Variants in PRMT2 observed in about 807,000 individuals in gnomAD.
PRMT2 encodes protein arginine N-methyltransferase 2.
PRMT2 carries 26 observed loss-of-function variants against 57.6 expected under a neutral mutation model. The ratio of observed to expected loss-of-function variants is 0.45; its 90% CI spans 0.33 to 0.63. The LOEUF (loss-of-function observed/expected upper bound fraction) is 0.63, where lower values mean the gene tolerates loss of function less well. PRMT2 is among the 20% of genes least tolerant of loss of function. The pLI is 0.02. For missense variants in PRMT2, 472 were observed against 564.4 expected (o/e 0.84, Z 1.66); for synonymous variants, 219 against 220.0 (o/e 1.00, Z 0.04).
At chr21:46,661,966 C>T (rs1488380279) in intron 10 of PRMT2, 30 bp downstream of exon 10, 38 of 132,688 alleles carry the variant, frequency 2.9e-4, no homozygotes, top group Non-Finnish European at 4.5e-4. Context: ...GCACGGGGTG[C>T]GGGGTGGGGG....
chr21:46,663,380 C>T lies in PRMT2; in HGVS notation c.1098-3C>T, dbSNP rs201611334. The T allele has an allele frequency of 6.2e-7, 1 of 1,608,258 alleles. No individual in the cohort carries two copies. Among genetic ancestry groups the T allele is most frequent in the East Asian group, 2.2e-5 (1 of 44,704 alleles). On this transcript the variant is annotated splice_polypyrimidine_tract_variant and splice_region_variant and intron_variant, in intron 10 of 11. Coordinates refer to ENST00000355680, the MANE Select transcript of PRMT2 (RefSeq NM_206962.4). ...CCAGGTCACACGCACCCCTGTCTTGCAGCACCACACACTGGAAGCAGACGC... is the reference window on the plus strand; with the variant it reads ...CCAGGTCACACGCACCCCTGTCTTGTAGCACCACACACTGGAAGCAGACGC...
chr21:46,636,172 C>G (rs1369136401), intron 1 of PRMT2: 1 of 152,844 alleles, frequency 6.5e-6, no homozygotes, highest in Non-Finnish European at 1.5e-5. Flanking sequence ...TCTCACCCCC[C>G]TTCACTGGCC....
intron 1 of PRMT2, 41 bp downstream of exon 1, chr21:46,635,804 G>A (rs1341469247): frequency 2.0e-5 from 3 of 152,338 alleles, no homozygotes; most frequent in Non-Finnish European, 4.4e-5. Flanking sequence ...TGGACTGCAC[G>A]TAAGGAAGGA....
At chr21:46,636,692 A>G (rs1020805955) in intron 2 of PRMT2, 145 bp downstream of exon 2, 5 of 489,580 alleles carry the variant, frequency 1.0e-5, no homozygotes, top group Non-Finnish European at 1.4e-5. Context: ...AGACTAGTGA[A>G]GAAAACACAC....
At chr21:46,654,138 A>C (rs1314824078) in intron 7 of PRMT2, 2 of 985,160 alleles carry the variant, frequency 2.0e-6, no homozygotes, top group African/African-American at 3.5e-5. Context: ...TTTTTGATGA[A>C]ATTATCCTAA....
chr21:46,663,317 GC>G, intron 10 of PRMT2, 65 bp from the exon 11 acceptor site: 1 of 1,504,478 alleles, frequency 6.6e-7, no homozygotes, highest in Non-Finnish European at 9.0e-7. Context: ...CTGAGTCAGC[GC>G]CCCGAGGGCC....
rs2061683255 is a variant in PRMT2, at chr21:46,665,030, TC to T, written c.*704del. On this transcript the variant is annotated 3_prime_UTR_variant, in exon 12 of 12. Coordinates refer to ENST00000355680, the MANE Select transcript of PRMT2 (RefSeq NM_206962.4). ...CTATATGCATTGCTTTATAAGTTTT[TC>T]TCAATATTGTGAAAAAACTTCCACA... 1 of 152,258 alleles carries T rather than the reference TC, an allele frequency of 6.6e-6. No individual in the cohort carries two copies. The highest frequency in any genetic ancestry group is 1.5e-5 in the Non-Finnish European group (1 of 68,056). 9.4% of individuals were successfully genotyped at this position (152,258 alleles called of 1,614,324 possible).
At chr21:46,661,698 C>T (rs938073434) in intron 9 of PRMT2, 102 bp from the exon 10 acceptor site, 23 of 1,164,130 alleles carry the variant, frequency 2.0e-5, no homozygotes, top group African/African-American at 1.8e-4. Context: ...CGGTTCCTGA[C>T]GCATTCAGCG....
intron 8 of PRMT2, chr21:46,660,157 C>G: frequency 1.0e-6 from 1 of 977,682 alleles, no homozygotes; most frequent in South Asian, 4.7e-5. Flanking sequence ...TCAGAAGTTA[C>G]TGCTTTGCTT....
chr21:46,647,161 C>T (rs2061376989), intron 5 of PRMT2, among the ~76,000 whole-genome samples: 2 of 152,108 alleles, frequency 1.3e-5, no homozygotes, highest in African/African-American at 4.8e-5. Context: ...AATATGGCAT[C>T]TTTTAGTTTT....
intron 5 of PRMT2, among the ~76,000 whole-genome samples, chr21:46,645,941 T>C (rs2061358531): frequency 6.6e-6 from 1 of 152,198 alleles, no homozygotes; most frequent in South Asian, 2.1e-4. Context: ...CTTGAACTCC[T>C]GGCCTCAAGT....
rs1197006758 is a variant in PRMT2 at position 46,635,745 on chromosome 21, G to C, written c.-184G>C. 2 of 152,458 alleles carry C rather than the reference G, an allele frequency of 1.3e-5. No homozygotes were observed. Among genetic ancestry groups the C allele is most frequent in the Non-Finnish European group, 2.9e-5 (2 of 68,200 alleles). 9.4% of individuals were successfully genotyped at this position (152,458 alleles called of 1,614,324 possible). A position where few individuals can be genotyped will look rare whatever the true frequency, so the allele number is the denominator to read the frequency against. On this transcript the variant is annotated 5_prime_UTR_variant, in exon 1 of 12. Transcript: ENST00000355680. ...GCTGGCGGTGTGGACGCGGAACTCA[G>C]CGGAGAAACGCGATTGAGGTAGGTG...
chr21:46,660,750 A>G, intron 8 of PRMT2, 83 bp from the exon 9 acceptor site: 2 of 1,510,442 alleles, frequency 1.3e-6, no homozygotes, highest in Admixed American at 1.8e-5. Flanking sequence ...AAGGGAGAGC[A>G]CTCACCGCGG....
intron 11 of PRMT2, among the ~76,000 whole-genome samples, chr21:46,663,779 C>T (rs1216507165): frequency 6.6e-6 from 1 of 152,132 alleles, no homozygotes; most frequent in Non-Finnish European, 1.5e-5. Context: ...GGAAGTCATT[C>T]CCTCAGGTGA....
chr21:46,651,330 T>A (rs1485544625), intron 7 of PRMT2, among the ~76,000 whole-genome samples: 1 of 151,946 alleles, frequency 6.6e-6, no homozygotes, highest in African/African-American at 2.4e-5. Flanking sequence ...CAGGACTGGC[T>A]GGGGGCCGGG....
At chr21:46,659,025 T>C in intron 8 of PRMT2, 105 bp downstream of exon 8, 3 of 1,470,910 alleles carry the variant, frequency 2.0e-6, no homozygotes, top group Non-Finnish European at 2.7e-6. Context: ...GTTGGATAAA[T>C]GAGGGTACCT....
intron 2 of PRMT2, 93 bp from the exon 3 acceptor site, chr21:46,636,803 G>A (rs2061179743): frequency 1.5e-6 from 1 of 662,562 alleles, no homozygotes; most frequent in Non-Finnish European, 2.5e-6. Context: ...ACTTCTATTT[G>A]GTAGAGGACA....
At chr21:46,652,700 AT>A in intron 7 of PRMT2, 4 of 1,133,234 alleles carry the variant, frequency 3.5e-6, no homozygotes, top group East Asian at 7.6e-5. Flanking sequence ...GAGCATTAAA[AT>A]TTTTTTGTTT....
Position 46,660,951 on chromosome 21 carries a change from T to C in PRMT2, c.949T>C (p.Ser317Pro). The change falls in exon 9 of 12, where the codon TCT becomes CCT. Residue 317 changes from serine (S) to proline (P), a missense_variant. Physicochemically the swap from Ser to Pro is moderately conservative, Grantham distance 74 (BLOSUM62 -1). Around this residue, in one of 2 missense-constraint regions of PRMT2, gnomAD observed 229 missense variants for 217.2 expected, o/e 1.05. Transcript: ENST00000355680. ...LQLDMRTVQI[S>P]DLETLRGELR... ...GTTGGACATGAGAACCGTGCAAATT[T>C]CTGATCTAGAGGTGAGAAAAAGATG... 6.2e-7 allele frequency: 1 copy of C among 1,613,032 alleles called. No individual in the cohort carries two copies. Among genetic ancestry groups the C allele is most frequent in the Non-Finnish European group, 8.5e-7 (1 of 1,179,404 alleles).
Sources: allele counts gnomAD v4.1 joint callset (sites outside exome capture counted in the v4.1 genomes callset), GRCh38; gene constraint gnomAD v4.1.1; regional missense constraint gnomAD v4.1.1; transcripts MANE v1.5; gene names NCBI Gene and HGNC (gene_info 2026-07-23, HGNC 2026-07-21).